GPC6: variants seen among roughly 807,000 people sequenced by gnomAD.
The protein encoded by GPC6 is glypican 6, also known as glypican-6.
Under a neutral mutation model 55.2 loss-of-function variants are expected in GPC6, and 14 were observed. The ratio of observed to expected loss-of-function variants is 0.25; its 90% CI spans 0.17 to 0.40. GPC6 has a LOEUF of 0.40. GPC6 is among the 10% of genes least tolerant of loss of function. GPC6 has a pLI of 1.00. For missense variants in GPC6, 641 were observed against 708.5 expected (o/e 0.90, Z 1.08); for synonymous variants, 278 against 259.6 (o/e 1.07, Z -0.68).
intron 1 of GPC6, among the ~76,000 whole-genome samples, chr13:93,445,360 A>G (rs1181194489): frequency 6.6e-6 from 1 of 152,212 alleles, no homozygotes. Flanking sequence ...TAATACTGTC[A>G]TAGTCAGGGC....
chr13:93,553,562 G>T (rs1479918860), intron 2 of GPC6, among the ~76,000 whole-genome samples: 1 of 151,946 alleles, frequency 6.6e-6, no homozygotes, highest in Non-Finnish European at 1.5e-5. Context: ...GGGCACGGGG[G>T]CATGCGCCTG....
At chr13:93,813,980 A>G (rs1363608152) in intron 2 of GPC6, among the ~76,000 whole-genome samples, 1 of 152,140 alleles carries the variant, frequency 6.6e-6, no homozygotes, top group Non-Finnish European at 1.5e-5. Context: ...TAGTTTTGCC[A>G]GTGGTATCTT....
At chr13:93,450,787 T>C in intron 1 of GPC6, 1 of 725,598 alleles carries the variant, frequency 1.4e-6, no homozygotes, top group Non-Finnish European at 1.7e-6. Flanking sequence ...TTATGAAAGA[T>C]CTTGTAAGCC....
At chr13:93,670,302 A>G (rs1300494074) in intron 2 of GPC6, among the ~76,000 whole-genome samples, 1 of 152,182 alleles carries the variant, frequency 6.6e-6, no homozygotes, top group Admixed American at 6.5e-5. Flanking sequence ...AGAAACCCTT[A>G]TGGGACTCAG....
chr13:93,217,963 G>A, the GPC6 span, among the ~76,000 whole-genome samples: 1 of 152,112 alleles, frequency 6.6e-6, no homozygotes, highest in East Asian at 1.9e-4. Flanking sequence ...GCTTAGTAAT[G>A]TCCTCAACAT....
intron 1 of GPC6, among the ~76,000 whole-genome samples, chr13:93,243,805 T>A (rs887663928): frequency 1.3e-5 from 2 of 152,290 alleles, no homozygotes; most frequent in Middle Eastern, 3.4e-3. Flanking sequence ...AGCACTGTGT[T>A]ACTGTGTCAG....
At chr13:93,643,339 C>T (rs994905255) in intron 2 of GPC6, among the ~76,000 whole-genome samples, 1 of 152,038 alleles carries the variant, frequency 6.6e-6, no homozygotes, top group Admixed American at 6.6e-5. Context: ...TACCTCCTGG[C>T]CTCTAAGAGT....
At chr13:93,250,343 C>T (rs1876742968) in intron 1 of GPC6, among the ~76,000 whole-genome samples, 2 of 152,224 alleles carry the variant, frequency 1.3e-5, no homozygotes, top group African/African-American at 4.8e-5. Context: ...TAGGGCTCTG[C>T]CCATTTCCAG....
At chr13:93,713,248 G>T (rs1438326025) in intron 2 of GPC6, among the ~76,000 whole-genome samples, 3 of 151,516 alleles carry the variant, frequency 2.0e-5, no homozygotes, top group African/African-American at 7.3e-5. Flanking sequence ...GAGCAAAGTA[G>T]TAAACTCTAG....
chr13:94,205,407 GTC>G (rs1433229924), intron 4 of GPC6, among the ~76,000 whole-genome samples: 10 of 152,280 alleles, frequency 6.6e-5, no homozygotes, highest in African/African-American at 2.4e-4. Context: ...CTTAGAGTTT[GTC>G]TGTTTATTTG....
At chr13:94,316,181 A>G (rs1478601541) in intron 6 of GPC6, among the ~76,000 whole-genome samples, 2 of 152,160 alleles carry the variant, frequency 1.3e-5, no homozygotes, top group Admixed American at 1.3e-4. Flanking sequence ...TAAAAAAAAA[A>G]ATTTAGAATC....
chr13:94,082,229 A>G (rs1216573620), intron 4 of GPC6, among the ~76,000 whole-genome samples: 3 of 152,124 alleles, frequency 2.0e-5, no homozygotes, highest in Non-Finnish European at 2.9e-5. Flanking sequence ...ACATGTCTTC[A>G]TGTCCTCAAA....
intron 1 of GPC6, among the ~76,000 whole-genome samples, chr13:93,508,839 A>G (rs10508007): frequency 0.083 from 12,566 of 152,244 alleles, 713 homozygotes; most frequent in Non-Finnish European, 0.12. Flanking sequence ...GGAAGTGAGC[A>G]GTGGTATACT....
At chr13:93,381,061 C>A (rs1741786767) in intron 1 of GPC6, among the ~76,000 whole-genome samples, 1 of 152,062 alleles carries the variant, frequency 6.6e-6, no homozygotes, top group Admixed American at 6.5e-5. Flanking sequence ...GTGAGTCAGT[C>A]TTAAGACTTA....
intron 2 of GPC6, among the ~76,000 whole-genome samples, chr13:93,731,394 C>T (rs1239618948): frequency 6.6e-6 from 1 of 152,012 alleles, no homozygotes; most frequent in Admixed American, 6.6e-5. Context: ...GTCTTTTAGC[C>T]CTGAACAGAG....
intron 2 of GPC6, among the ~76,000 whole-genome samples, chr13:93,716,140 T>C (rs1883248702): frequency 6.6e-6 from 1 of 151,726 alleles, no homozygotes; most frequent in Non-Finnish European, 1.5e-5. Flanking sequence ...ATAATAAAAG[T>C]ATAGTACTTA....
intron 1 of GPC6, among the ~76,000 whole-genome samples, chr13:93,538,995 T>C (rs938562461): frequency 7.2e-5 from 11 of 152,104 alleles, no homozygotes; most frequent in African/African-American, 2.4e-4. Flanking sequence ...TAGTTACATA[T>C]GTATACATGT....
chr13:93,640,207 C>G (rs1173978300), intron 2 of GPC6, among the ~76,000 whole-genome samples: 7 of 151,944 alleles, frequency 4.6e-5, no homozygotes, highest in Admixed American at 2.0e-4. Flanking sequence ...TCAAAAGGGC[C>G]CATGGCACAA....
intron 4 of GPC6, among the ~76,000 whole-genome samples, chr13:94,213,246 GA>G (rs1281033521): frequency 1.3e-5 from 2 of 152,114 alleles, no homozygotes; most frequent in Admixed American, 6.6e-5. Flanking sequence ...TCTCTAACTT[GA>G]AAGGTTTTCT....
Sources: gnomAD v4.1 joint callset for allele counts (sites outside exome capture counted in the v4.1 genomes callset) on GRCh38, gnomAD v4.1.1 for gene constraint, MANE v1.5 for transcripts, NCBI Gene and HGNC (gene_info 2026-07-23, HGNC 2026-07-21) for gene names.